Variants in TPRG1 observed in about 807,000 individuals in gnomAD.
TPRG1 encodes the protein tumor protein p63 regulated 1.
A neutral mutation model predicts 29.3 loss-of-function variants in TPRG1; 29 were observed. The ratio of observed to expected loss-of-function variants is 0.99; its 90% CI spans 0.74 to 1.35. The LOEUF is 1.35. Ranked by LOEUF, TPRG1 falls within the 40% of genes most tolerant of loss-of-function variation. The probability of loss-of-function intolerance (pLI) is 0.00; values close to 1 mark genes in which losing one functional copy is unlikely to be tolerated. For missense variants in TPRG1, 327 were observed against 335.0 expected, an observed-to-expected ratio of 0.98 and a Z score of 0.19; for synonymous variants, 130 against 116.8, an observed-to-expected ratio of 1.11 and a Z score of -0.73.
intron 4 of TPRG1, among the ~76,000 whole-genome samples, chr3:189,252,662 ATTTAC>A (rs1196945204): frequency 2.6e-5 from 4 of 152,240 alleles, no homozygotes; most frequent in South Asian, 4.1e-4. Context: ...AATTTGGACA[ATTTAC>A]TTTAATTTAG....
intron 4 of TPRG1, among the ~76,000 whole-genome samples, chr3:189,294,913 T>C (rs1719639575): frequency 6.6e-6 from 1 of 152,190 alleles, no homozygotes; most frequent in South Asian, 2.1e-4. Context: ...GCAGGTTTGT[T>C]ACATATGTAT....
intron 3 of TPRG1, among the ~76,000 whole-genome samples, chr3:189,225,664 A>G (rs1242457099): frequency 2.0e-5 from 3 of 146,854 alleles, no homozygotes; most frequent in Non-Finnish European, 4.5e-5. Context: ...TTTACAAACA[A>G]TGCATTGTCT....
intron 1 of TPRG1, among the ~76,000 whole-genome samples, chr3:189,116,051 T>C (rs1008117488): frequency 1.3e-5 from 2 of 152,148 alleles, no homozygotes; most frequent in Non-Finnish European, 2.9e-5. Context: ...TATAAAATGG[T>C]ATAGCCAGTA....
At chr3:189,235,498 C>T (rs1739320116) in intron 3 of TPRG1, among the ~76,000 whole-genome samples, 2 of 152,028 alleles carry the variant, frequency 1.3e-5, no homozygotes, top group South Asian at 4.2e-4. Context: ...CTGAATGACT[C>T]CCAGGTCTCT....
chr3:189,280,256 TA>T (rs561872112), intron 4 of TPRG1, among the ~76,000 whole-genome samples: 2 of 152,116 alleles, frequency 1.3e-5, no homozygotes, highest in South Asian at 4.2e-4. Context: ...TGGATATACA[TA>T]AATGAATGGA....
intron 4 of TPRG1, among the ~76,000 whole-genome samples, chr3:189,295,942 T>C (rs1360769046): frequency 6.6e-6 from 1 of 150,820 alleles, no homozygotes; most frequent in Non-Finnish European, 1.5e-5. Context: ...ACATTTAGAC[T>C]GTTTCTTAAG....
intron 5 of TPRG1, among the ~76,000 whole-genome samples, chr3:189,317,144 G>A (rs1331123207): frequency 6.6e-6 from 1 of 152,168 alleles, no homozygotes; most frequent in South Asian, 2.1e-4. Flanking sequence ...TGAAGCCAGA[G>A]GAAGCATTCA....
upstream of TPRG1, among the ~76,000 whole-genome samples, chr3:189,097,112 A>G (rs1718730673): frequency 6.6e-6 from 1 of 152,230 alleles, no homozygotes. Flanking sequence ...TGGTTCACTG[A>G]CTTCTACCAG....
chr3:189,289,636 T>A, intron 4 of TPRG1, among the ~76,000 whole-genome samples: 1 of 152,216 alleles, frequency 6.6e-6, no homozygotes, highest in East Asian at 1.9e-4. Context: ...GAGAATTAAT[T>A]GAGACTACTT....
Position 189,238,780 on chromosome 3 carries a change from A to G in TPRG1, c.350A>G (p.Asp117Gly). The change falls in exon 4 of 6, where the codon GAC (aspartate) becomes GGC (glycine). Residue 117 changes from aspartate (D) to glycine (G), a missense_variant. By Grantham distance (94) the Asp-to-Gly change is moderately conservative. Transcript: ENST00000345063. ...NEKERILLVT[D>G]KTLLICKYDF... ...AAGGAGAGAATTCTACTGGTCACAG[A>G]CAAGACTCTCTTGATCTGCAAATAC... The G allele has an allele frequency of 6.2e-7, 1 of 1,613,718 alleles. No homozygotes were observed. Among genetic ancestry groups the G allele is most frequent in the Non-Finnish European group, 8.5e-7 (1 of 1,179,688 alleles).
intron 4 of TPRG1, among the ~76,000 whole-genome samples, chr3:189,242,981 C>G (rs1245835100): frequency 1.3e-5 from 2 of 152,040 alleles, no homozygotes; most frequent in Non-Finnish European, 1.5e-5. Flanking sequence ...CTTATAATCC[C>G]TTTAATGTCC....
intron 4 of TPRG1, among the ~76,000 whole-genome samples, chr3:189,079,531 T>G (rs916099803): frequency 1.3e-5 from 2 of 152,222 alleles, no homozygotes; most frequent in Non-Finnish European, 2.9e-5. Flanking sequence ...TTTGTGGTGT[T>G]TTCTCATTGT....
intron 2 of TPRG1, among the ~76,000 whole-genome samples, chr3:189,131,218 T>G (rs1161297828): frequency 2.0e-5 from 3 of 152,310 alleles, no homozygotes; most frequent in Non-Finnish European, 2.9e-5. Context: ...CTTCAGTGTT[T>G]AAATTGGTGC....
intron 5 of TPRG1, among the ~76,000 whole-genome samples, chr3:189,160,130 C>T (rs925360650): frequency 2.0e-5 from 3 of 152,028 alleles, no homozygotes; most frequent in African/African-American, 4.8e-5. Context: ...GCAGCCCTCC[C>T]GGAAGCTTAA....
upstream of TPRG1, among the ~76,000 whole-genome samples, chr3:189,171,790 G>A (rs79725458): frequency 7.1e-3 from 1,079 of 152,324 alleles, 14 homozygotes; most frequent in African/African-American, 0.025. Flanking sequence ...ATTAGAGGGA[G>A]TTGGCAGAAA....
At chr3:189,141,910 G>A (rs1022830227) in intron 3 of TPRG1, among the ~76,000 whole-genome samples, 1 of 152,120 alleles carries the variant, frequency 6.6e-6, no homozygotes. Flanking sequence ...GGATATGAAG[G>A]ATTTCTCCTC....
intron 3 of TPRG1, among the ~76,000 whole-genome samples, chr3:189,133,350 C>G (rs1004449877): frequency 1.3e-5 from 2 of 152,142 alleles, no homozygotes; most frequent in African/African-American, 2.4e-5. Flanking sequence ...AGATCAAGAT[C>G]AGTTAGAAGC....
intron 1 of TPRG1, among the ~76,000 whole-genome samples, chr3:188,997,695 G>T (rs1006787978): frequency 2.6e-5 from 4 of 152,128 alleles, no homozygotes; most frequent in Admixed American, 1.3e-4. Context: ...AACCTCTCAG[G>T]TTCCTGAAAC....
chr3:189,241,785 C>T (rs1443855425), intron 4 of TPRG1, among the ~76,000 whole-genome samples: 2 of 152,210 alleles, frequency 1.3e-5, no homozygotes, highest in East Asian at 3.9e-4. Context: ...CGGGGTTCTG[C>T]TTTTGCTTCT....
Sources: allele counts gnomAD v4.1 joint callset (sites outside exome capture counted in the v4.1 genomes callset), GRCh38; gene constraint gnomAD v4.1.1; transcripts MANE v1.5; gene names NCBI Gene and HGNC (gene_info 2026-07-23, HGNC 2026-07-21).